STC1: variants seen among roughly 807,000 people sequenced by gnomAD.
STC1 encodes the protein stanniocalcin 1, also known as stanniocalcin-1.
A neutral mutation model predicts 22.6 loss-of-function variants in STC1; 7 were observed. The observed-to-expected ratio is 0.31, with a 90% CI of 0.18 to 0.58. The LOEUF is 0.58. Among genes scored for constraint, STC1 ranks in the 20% least tolerant of loss-of-function variants. STC1 has a pLI of 0.89. For missense variants in STC1, 224 were observed against 311.0 expected, an observed-to-expected ratio of 0.72 and a Z score of 2.10; for synonymous variants, 113 against 120.7, an observed-to-expected ratio of 0.94 and a Z score of 0.42.
In STC1 at chr8:23,852,231, G is replaced by A; in HGVS notation, c.261+11C>T. On this transcript the variant is annotated intron_variant, in intron 2 of 3. Transcript: ENST00000290271. ...AGCAGCCAGTGGGAGCAGGGGTCAA[G>A]GTTTTATTACCTGAGTGTCAAATTT... 6.2e-7 allele frequency: 1 copy of A among 1,614,052 alleles called. No homozygotes were observed.
chr8:23,848,654 AC>A (rs896762989), intron 3 of STC1, among the ~76,000 whole-genome samples: 45 of 150,408 alleles, frequency 3.0e-4, no homozygotes, highest in African/African-American at 1.1e-3. Flanking sequence ...GCCCGAAAGG[AC>A]CTTTTTAATT....
chr8:23,851,036 CA>C (rs971498348), intron 3 of STC1, among the ~76,000 whole-genome samples: 5 of 145,246 alleles, frequency 3.4e-5, no homozygotes, highest in African/African-American at 1.4e-4. Context: ...AGGCTTATGG[CA>C]AAAAATGGTC....
At chr8:23,852,113 G>C (rs1490675759) in intron 2 of STC1, 129 bp downstream of exon 2, 3 of 1,065,206 alleles carry the variant, frequency 2.8e-6, no homozygotes, top group Non-Finnish European at 4.2e-6. Context: ...CACATGCTGA[G>C]ATGGGAATTT....
At position 23,844,422 on chromosome 8, in the gene STC1, T is replaced by G. The variant is rs921390886; in HGVS notation, c.*348A>C. The G allele has an allele frequency of 3.2e-5, 10 of 317,350 alleles. No homozygotes were observed. The highest frequency in any genetic ancestry group is 6.3e-5 in the African/African-American group (3 of 47,744). 19.7% of individuals were successfully genotyped at this position (317,350 alleles called of 1,614,324 possible). A position where few individuals can be genotyped will look rare whatever the true frequency, so the allele number is the denominator to read the frequency against. ...TACTGGGGCAACCGTTCTAAAGGGA[T>G]CCACATCTTCAAATTACAATGGCTG... is the stretch of plus-strand genomic sequence containing the variant. On this transcript the variant is annotated 3_prime_UTR_variant, in exon 4 of 4. Transcript: ENST00000290271.
chr8:23,848,403 G>A (rs1563342132), intron 3 of STC1, among the ~76,000 whole-genome samples: 1 of 151,820 alleles, frequency 6.6e-6, no homozygotes, highest in Non-Finnish European at 1.5e-5. Flanking sequence ...GTGGTGGTGA[G>A]TGCTTGTAAT....
At chr8:23,849,359 T>C (rs538729839) in intron 3 of STC1, among the ~76,000 whole-genome samples, 1 of 152,138 alleles carries the variant, frequency 6.6e-6, no homozygotes, top group Non-Finnish European at 1.5e-5. Flanking sequence ...TAAAGTGAAA[T>C]TTTTGGAGAA....
intron 3 of STC1, among the ~76,000 whole-genome samples, chr8:23,849,617 C>G (rs1000908058): frequency 6.6e-6 from 1 of 152,158 alleles, no homozygotes; most frequent in African/African-American, 2.4e-5. Context: ...CTAAAGACCT[C>G]TCTGCCTTTC....
intron 1 of STC1, among the ~76,000 whole-genome samples, chr8:23,853,856 TG>T (rs1408508084): frequency 1.3e-5 from 2 of 151,940 alleles, no homozygotes; most frequent in Non-Finnish European, 2.9e-5. Flanking sequence ...GCAGCAGGGT[TG>T]GGGGTGGGAT....
At chr8:23,852,137 T>G (rs1490275484) in intron 2 of STC1, 105 bp downstream of exon 2, 1 of 1,412,480 alleles carries the variant, frequency 7.1e-7, no homozygotes. Context: ...GTGGGGAAGC[T>G]GAGAAGCAGG....
chr8:23,854,619 G>A lies in STC1; in HGVS notation c.-96C>T. 2 of 1,048,472 alleles carry A rather than the reference G, an allele frequency of 1.9e-6. No homozygotes were observed. The highest frequency in any genetic ancestry group is 3.0e-6 in the Non-Finnish European group (2 of 668,692). The allele number at this position is 1,048,472 out of a possible 1,614,324, so 64.9% of individuals were successfully genotyped here. On this transcript the variant is annotated 5_prime_UTR_variant, in exon 1 of 4. Coordinates refer to ENST00000290271, the MANE Select transcript of STC1 (RefSeq NM_003155.3). ...TGGCTTGAGTGAAGATGTGGATCTGGATACACTGAAAGCTTAGGTGAGGAT... is the reference window on the plus strand; with the variant it reads ...TGGCTTGAGTGAAGATGTGGATCTGAATACACTGAAAGCTTAGGTGAGGAT...
rs1014136265 is a variant in STC1 at position 23,854,616 on chromosome 8, C to G, written c.-93G>C. Reference sequence around the variant, plus strand: ...TCCTGGCTTGAGTGAAGATGTGGATCTGGATACACTGAAAGCTTAGGTGAG... The same window carrying G: ...TCCTGGCTTGAGTGAAGATGTGGATGTGGATACACTGAAAGCTTAGGTGAG... On this transcript the variant is annotated 5_prime_UTR_variant, in exon 1 of 4. Transcript: ENST00000290271. 27 of 1,045,322 alleles carry G rather than the reference C, an allele frequency of 2.6e-5. No homozygotes were observed. Among genetic ancestry groups the G allele is most frequent in the East Asian group, 2.1e-4 (9 of 42,180 alleles). The allele number at this position is 1,045,322 out of a possible 1,614,324, so 64.8% of individuals were successfully genotyped here.
chr8:23,842,715 A>G lies in STC1; in HGVS notation c.*2055T>C, dbSNP rs970488190. ...GGAGGGGAAGAGTCTAACTTAGAAT[A>G]TGGTCTACCTGATTTCCAAGAGGCT... On this transcript the variant is annotated 3_prime_UTR_variant, in exon 4 of 4. Coordinates refer to ENST00000290271, the MANE Select transcript of STC1 (RefSeq NM_003155.3). The G allele has an allele frequency of 6.6e-6, 1 of 152,504 alleles. No individual in the cohort carries two copies. The highest frequency in any genetic ancestry group is 1.5e-5 in the Non-Finnish European group (1 of 68,044). 9.4% of individuals were successfully genotyped at this position (152,504 alleles called of 1,614,324 possible). A position where few individuals can be genotyped will look rare whatever the true frequency, so the allele number is the denominator to read the frequency against.
chr8:23,850,135 G>A (rs1802620846), intron 3 of STC1, among the ~76,000 whole-genome samples: 1 of 152,204 alleles, frequency 6.6e-6, no homozygotes, highest in Non-Finnish European at 1.5e-5. Context: ...CACAGCGTTT[G>A]TGTTAGGCAC....
intron 3 of STC1, among the ~76,000 whole-genome samples, chr8:23,850,912 C>CTTTTTTTT (rs56311630): frequency 2.2e-5 from 2 of 89,472 alleles, no homozygotes; most frequent in Admixed American, 1.3e-4. Context: ...AACCAGAGGG[C>CTTTTTTTT]TTTTTTTTTT....
intron 2 of STC1, 151 bp from the exon 3 acceptor site, chr8:23,851,682 A>G (rs1802639598): frequency 1.6e-6 from 1 of 628,314 alleles, no homozygotes; most frequent in Admixed American, 3.2e-5. Flanking sequence ...TGTCTCGGCT[A>G]AGGATTGAAA....
chr8:23,853,907 CTT>C lies in STC1; in HGVS notation c.118+497_118+498del, dbSNP rs1378855219. 3 of 580,996 alleles carry C rather than the reference CTT, an allele frequency of 5.2e-6. No individual in the cohort carries two copies. The East Asian group carries it at 4.1e-4, about 80-fold the overall frequency. The allele number at this position is 580,996 out of a possible 1,614,324, so 36.0% of individuals were successfully genotyped here. ...CTGAATCCGCCCTGGATTTGTCAGA[CTT>C]GAGGGCTATGGTTCTGAAAATCAGT... is the stretch of plus-strand genomic sequence containing the variant. On this transcript the variant is annotated intron_variant, in intron 1 of 3. Transcript: ENST00000290271.
Position 23,844,718 on chromosome 8 carries a change from A to G in STC1, c.*52T>C. The G allele has an allele frequency of 6.3e-7, 1 of 1,591,510 alleles. No individual in the cohort carries two copies. Among genetic ancestry groups the G allele is most frequent in the Non-Finnish European group, 8.6e-7 (1 of 1,163,708 alleles). Reference sequence around the variant, plus strand: ...CAGTACACTCAAAACTGGTGTGTCAACACCCCTAAAATGATACTAGTTTGG... The same window carrying G: ...CAGTACACTCAAAACTGGTGTGTCAGCACCCCTAAAATGATACTAGTTTGG... On this transcript the variant is annotated 3_prime_UTR_variant, in exon 4 of 4. Coordinates refer to ENST00000290271, the MANE Select transcript of STC1 (RefSeq NM_003155.3).
In STC1 at chr8:23,854,553, G is replaced by GTT. The variant is rs5890129; in HGVS notation, c.-32_-31dup. On this transcript the variant is annotated 5_prime_UTR_variant, in exon 1 of 4. Transcript: ENST00000290271. ...TGAGAAGTTTCCGCTAAGTTGTTGG[G>GTT]TTTTTTTTTTTTCCTGCCCCCCTTT... 1.2e-3 allele frequency: 1,634 copies of GTT among 1,317,876 alleles called. No homozygotes were observed. The highest frequency in any genetic ancestry group is 2.6e-3 in the Admixed American group (134 of 51,318). 81.6% of individuals were successfully genotyped at this position (1,317,876 alleles called of 1,614,324 possible). A position where few individuals can be genotyped will look rare whatever the true frequency, so the allele number is the denominator to read the frequency against.
intron 2 of STC1, among the ~76,000 whole-genome samples, chr8:23,851,733 G>T (rs1474481429): frequency 6.7e-6 from 1 of 150,104 alleles, no homozygotes; most frequent in Admixed American, 6.7e-5. Context: ...ATTCCCTTGA[G>T]AATTAAGCTC....
Sources: gnomAD v4.1 joint callset for allele counts (sites outside exome capture counted in the v4.1 genomes callset) on GRCh38, gnomAD v4.1.1 for gene constraint, MANE v1.5 for transcripts, NCBI Gene and HGNC (gene_info 2026-07-23, HGNC 2026-07-21) for gene names.